Variants in MNAT1 observed in about 807,000 individuals in gnomAD.
MNAT1 encodes CDK-activating kinase assembly factor MAT1.
Under a neutral mutation model 42.0 loss-of-function variants are expected in MNAT1, and 43 were observed. The ratio of observed to expected loss-of-function variants is 1.02; its 90% confidence interval spans 0.80 to 1.32. The LOEUF (loss-of-function observed/expected upper bound fraction) is 1.32. Among genes scored for constraint, MNAT1 ranks in the 40% most tolerant of loss-of-function variants. The probability of loss-of-function intolerance (pLI) is 0.00; values close to 1 mark genes in which losing one functional copy is unlikely to be tolerated. For synonymous variants in MNAT1, 118 were observed against 120.0 expected, an observed-to-expected ratio of 0.98 and a Z score of 0.11; for missense variants, 306 against 350.4, an observed-to-expected ratio of 0.87 and a Z score of 1.01.
At chr14:60,858,914 A>G (rs2034028475) in intron 6 of MNAT1, among the ~76,000 whole-genome samples, 1 of 152,240 alleles carries the variant, frequency 6.6e-6, no homozygotes, top group Non-Finnish European at 1.5e-5. Context: ...CATAGCTTTT[A>G]CATGCATTAG....
chr14:60,789,952 T>C (rs1238307107), intron 1 of MNAT1, among the ~76,000 whole-genome samples: 2 of 152,012 alleles, frequency 1.3e-5, no homozygotes, highest in Non-Finnish European at 2.9e-5. Context: ...TTTTCTTTCT[T>C]TTTTTTTCTA....
intron 7 of MNAT1, among the ~76,000 whole-genome samples, chr14:60,892,228 T>C (rs1479657983): frequency 6.6e-6 from 1 of 152,100 alleles, no homozygotes; most frequent in Non-Finnish European, 1.5e-5. Context: ...AGTTTTTCTA[T>C]CTATTATTGA....
chr14:60,855,634 C>G (rs922223927), intron 6 of MNAT1, among the ~76,000 whole-genome samples: 2 of 152,092 alleles, frequency 1.3e-5, no homozygotes, highest in African/African-American at 4.8e-5. Context: ...TGGGTTGGAC[C>G]CACTGCCTAA....
At chr14:60,779,891 G>A (rs949725355) in intron 1 of MNAT1, 1 of 758,010 alleles carries the variant, frequency 1.3e-6, no homozygotes, top group African/African-American at 1.7e-5. Context: ...CTCTTGGCGG[G>A]GAAGTGCTGT....
intron 7 of MNAT1, among the ~76,000 whole-genome samples, chr14:60,950,440 G>A (rs1354904802): frequency 2.6e-5 from 4 of 152,002 alleles, no homozygotes; most frequent in African/African-American, 9.7e-5. Flanking sequence ...TATTATAGAC[G>A]TTTTCTAATT....
intron 6 of MNAT1, among the ~76,000 whole-genome samples, chr14:60,854,649 T>G (rs2033910415): frequency 6.6e-6 from 1 of 152,182 alleles, no homozygotes; most frequent in South Asian, 2.1e-4. Context: ...TAGCAAAGAT[T>G]GCTGCCTGCT....
At chr14:60,786,111 A>G (rs1200785959) in intron 1 of MNAT1, among the ~76,000 whole-genome samples, 1 of 152,072 alleles carries the variant, frequency 6.6e-6, no homozygotes, top group African/African-American at 2.4e-5. Flanking sequence ...AATAAATAAT[A>G]GAAAAGTAGA....
At chr14:60,796,935 G>T (rs2032037266) in intron 2 of MNAT1, among the ~76,000 whole-genome samples, 1 of 151,832 alleles carries the variant, frequency 6.6e-6, no homozygotes, top group African/African-American at 2.4e-5. Context: ...GTTTATTTTG[G>T]TATGTGTATT....
At chr14:60,794,636 C>CAA (rs71114156) in intron 1 of MNAT1, among the ~76,000 whole-genome samples, 43 of 95,398 alleles carry the variant, frequency 4.5e-4, no homozygotes, top group African/African-American at 1.5e-3. Flanking sequence ...ACTGCATTCT[C>CAA]AAAAAAAAAA....
intron 7 of MNAT1, among the ~76,000 whole-genome samples, chr14:60,938,099 T>C (rs1047205687): frequency 1.3e-5 from 2 of 152,236 alleles, no homozygotes; most frequent in African/African-American, 2.4e-5. Context: ...TTTGCTGAAG[T>C]TGCCTATCAG....
At chr14:60,895,878 T>C (rs983549929) in intron 7 of MNAT1, among the ~76,000 whole-genome samples, 1 of 152,208 alleles carries the variant, frequency 6.6e-6, no homozygotes, top group African/African-American at 2.4e-5. Flanking sequence ...TTTTTGTAGC[T>C]ACACCTTATT....
At chr14:60,890,650 G>A (rs1036353436) in intron 7 of MNAT1, among the ~76,000 whole-genome samples, 1 of 152,298 alleles carries the variant, frequency 6.6e-6, no homozygotes, top group Non-Finnish European at 1.5e-5. Flanking sequence ...ACTGGTTTAA[G>A]TCCAAGAGTC....
chr14:60,841,957 G>A (rs1303550002), intron 6 of MNAT1, among the ~76,000 whole-genome samples: 5 of 152,210 alleles, frequency 3.3e-5, no homozygotes, highest in South Asian at 2.1e-4. Flanking sequence ...TGTTTAATAC[G>A]TTGCTTTCCA....
At chr14:60,948,168 C>T (rs969048173) in intron 7 of MNAT1, among the ~76,000 whole-genome samples, 17 of 152,142 alleles carry the variant, frequency 1.1e-4, no homozygotes, top group Admixed American at 2.0e-4. Context: ...TGGTGACTCA[C>T]GCCTGTAATC....
At chr14:60,902,316 G>A (rs1255094624) in intron 7 of MNAT1, among the ~76,000 whole-genome samples, 1 of 152,036 alleles carries the variant, frequency 6.6e-6, no homozygotes, top group African/African-American at 2.4e-5. Context: ...CAAATTGATG[G>A]TCCTATTTAT....
intron 6 of MNAT1, among the ~76,000 whole-genome samples, chr14:60,869,575 T>C (rs1197482618): frequency 6.6e-6 from 1 of 152,088 alleles, no homozygotes; most frequent in African/African-American, 2.4e-5. Context: ...TTAAGCAAGA[T>C]AGATCAATTA....
chr14:60,956,584 G>T (rs1397878528), intron 7 of MNAT1, among the ~76,000 whole-genome samples: 1 of 152,122 alleles, frequency 6.6e-6, no homozygotes, highest in Non-Finnish European at 1.5e-5. Context: ...TCTATCCATT[G>T]TTCGAAGTGA....
intron 4 of MNAT1, among the ~76,000 whole-genome samples, chr14:60,811,239 G>A (rs2032533306): frequency 6.6e-6 from 1 of 150,378 alleles, no homozygotes; most frequent in South Asian, 2.1e-4. Context: ...TCATTTTTAA[G>A]CCTCATCCCC....
intron 6 of MNAT1, among the ~76,000 whole-genome samples, chr14:60,819,348 A>C (rs2032811576): frequency 6.6e-6 from 1 of 151,020 alleles, no homozygotes. Context: ...TTCAAGGGAA[A>C]GATTTTATAA....
Sources: allele counts gnomAD v4.1 joint callset (sites outside exome capture counted in the v4.1 genomes callset), GRCh38; gene constraint gnomAD v4.1.1; transcripts MANE v1.5; gene names NCBI Gene and HGNC (gene_info 2026-07-23, HGNC 2026-07-21).